The following PALS1 variants were observed in gnomAD, a reference collection of about 807,000 sequenced individuals.
The protein encoded by PALS1 is protein associated with LIN7 1, MAGUK p55 family member.
A neutral mutation model predicts 78.9 loss-of-function variants in PALS1; 31 were observed. The observed-to-expected ratio is 0.39, with a 90% CI of 0.30 to 0.53. PALS1 has a LOEUF of 0.53. Ranked by LOEUF, PALS1 falls within the 20% of genes least tolerant of loss-of-function variation. The pLI, the probability that PALS1 is intolerant of heterozygous loss-of-function variation, is 0.67. For missense variants in PALS1, 704 were observed against 826.5 expected, an observed-to-expected ratio of 0.85 and a Z score of 1.82; for synonymous variants, 276 against 270.9, an observed-to-expected ratio of 1.02 and a Z score of -0.18.
At chr14:67,324,707 T>TC (rs2085323769) in intron 14 of PALS1, among the ~76,000 whole-genome samples, 1 of 151,794 alleles carries the variant, frequency 6.6e-6, no homozygotes, top group Non-Finnish European at 1.5e-5. Flanking sequence ...CCCCAGCCTG[T>TC]CCAAGTGGCT....
chr14:67,307,790 A>G (rs971897168), intron 8 of PALS1, among the ~76,000 whole-genome samples: 2 of 152,232 alleles, frequency 1.3e-5, no homozygotes, highest in Non-Finnish European at 2.9e-5. Flanking sequence ...AATAAAAATT[A>G]CAAAGAAAAA....
At chr14:67,295,506 T>C (rs2140849108) in intron 4 of PALS1, among the ~76,000 whole-genome samples, 1 of 150,150 alleles carries the variant, frequency 6.7e-6, no homozygotes, top group Admixed American at 6.6e-5. Flanking sequence ...AAAAAAACTC[T>C]TGGAAATTAA....
chr14:67,302,448 T>C lies in PALS1; in HGVS notation c.840T>C (p.Ile280=), dbSNP rs1421071026. 6.3e-7 allele frequency: 1 copy of C among 1,599,174 alleles called. No homozygotes were observed. Among genetic ancestry groups the C allele is most frequent in the African/African-American group, 1.3e-5 (1 of 74,200 alleles). The change falls in exon 7 of 15, where the codon ATT becomes ATC. Residue 280 remains isoleucine, a synonymous_variant. Transcript: ENST00000261681. ...GTAATGAAATGGACTCTGTCATCAT[T>C]AGCCGGATAGTAAAAGGGGGTGCTG... ...TVRNEMDSVI[I]SRIVKGGAAE...
chr14:67,280,820 C>A (rs529672295), intron 3 of PALS1, among the ~76,000 whole-genome samples: 278 of 125,824 alleles, frequency 2.2e-3, no homozygotes, highest in Non-Finnish European at 3.5e-3. Flanking sequence ...TCCTTCCTTC[C>A]TTCCTTCCTT....
intron 1 of PALS1, among the ~76,000 whole-genome samples, chr14:67,243,767 A>G (rs986747216): frequency 6.6e-6 from 1 of 152,096 alleles, no homozygotes; most frequent in Non-Finnish European, 1.5e-5. Flanking sequence ...AAGTGCTGGG[A>G]TTACAGGCGT....
chr14:67,262,731 A>G (rs80127276), intron 1 of PALS1, among the ~76,000 whole-genome samples: 2,953 of 152,256 alleles, frequency 0.019, 40 homozygotes, highest in Middle Eastern at 0.034. Context: ...AGAAAATTCA[A>G]ACAATTTAGT....
intron 11 of PALS1, among the ~76,000 whole-genome samples, chr14:67,319,597 A>AT (rs775933358): frequency 8.2e-5 from 12 of 147,228 alleles, no homozygotes; most frequent in Admixed American, 2.7e-4. Context: ...AACACTAGAG[A>AT]TAGCTGATGA....
intron 8 of PALS1, among the ~76,000 whole-genome samples, chr14:67,311,383 T>G (rs149949186): frequency 6.6e-6 from 1 of 151,970 alleles, no homozygotes; most frequent in African/African-American, 2.4e-5. Flanking sequence ...CTTAGACTGT[T>G]TGTCTTTTGC....
chr14:67,241,838 G>A (rs10144218), intron 1 of PALS1: 22,526 of 151,970 alleles, frequency 0.15, 3,131 homozygotes, highest in East Asian at 0.42. Flanking sequence ...TGCAGGGGGC[G>A]CGGCGGGGAG....
At chr14:67,298,697 T>G (rs1263345742) in intron 4 of PALS1, among the ~76,000 whole-genome samples, 1 of 152,068 alleles carries the variant, frequency 6.6e-6, no homozygotes, top group Non-Finnish European at 1.5e-5. Context: ...TTAAAATGAG[T>G]GTGTTTTATT....
At position 67,302,537 on chromosome 14, in the gene PALS1, G is replaced by A. The variant is rs1388174621; in HGVS notation, c.929G>A (p.Arg310Gln). The A allele has an allele frequency of 1.9e-6, 3 of 1,577,020 alleles. No homozygotes were observed. Among genetic ancestry groups the A allele is most frequent in the East Asian group, 2.3e-5 (1 of 42,942 alleles). Reference sequence around the variant, plus strand: ...CTAGAGATTAATGGCATTGAAATTCGGGGGAAAGATGTCAATGAGGTTTTT... The same window carrying A: ...CTAGAGATTAATGGCATTGAAATTCAGGGGAAAGATGTCAATGAGGTTTTT... Reference protein sequence around the residue: ...EVLEINGIEIRGKDVNEVFDL... With the variant: ...EVLEINGIEIQGKDVNEVFDL... Residue 310 changes from arginine to glutamine, a missense_variant, in exon 7 of 15, where the codon CGG becomes CAG. Transcript: ENST00000261681.
At chr14:67,253,041 A>C (rs1366626006) in intron 1 of PALS1, among the ~76,000 whole-genome samples, 1 of 152,222 alleles carries the variant, frequency 6.6e-6, no homozygotes, top group Non-Finnish European at 1.5e-5. Context: ...CAGGCTTTAC[A>C]GTGCAGTTAC....
chr14:67,302,434 G>T lies in PALS1; in HGVS notation c.826G>T (p.Asp276Tyr), dbSNP rs770728541. Residue 276 changes from aspartate (D) to tyrosine (Y), a missense_variant, in exon 7 of 15, where the codon GAC (aspartate) becomes TAC (tyrosine). By Grantham distance (160) the Asp-to-Tyr change is radical. Coordinates refer to ENST00000261681, the MANE Select transcript of PALS1 (RefSeq NM_022474.4). ...PLGATVRNEMDSVIISRIVKG... is the reference protein window; with the variant it reads ...PLGATVRNEMYSVIISRIVKG... ...GGGTGCTACAGTTCGTAATGAAATG[G>T]ACTCTGTCATCATTAGCCGGATAGT... 1 of 1,595,006 alleles carries T rather than the reference G, an allele frequency of 6.3e-7. No individual in the cohort carries two copies. Among genetic ancestry groups the T allele is most frequent in the Admixed American group, 1.7e-5 (1 of 57,692 alleles).
chr14:67,321,515 A>G (rs1254666650), intron 13 of PALS1, among the ~76,000 whole-genome samples: 2 of 152,178 alleles, frequency 1.3e-5, no homozygotes, highest in Admixed American at 6.5e-5. Context: ...AGTGTTTTGA[A>G]TTTCAGAATT....
intron 9 of PALS1, among the ~76,000 whole-genome samples, chr14:67,316,068 C>G (rs1271725296): frequency 6.6e-6 from 1 of 152,156 alleles, no homozygotes; most frequent in Non-Finnish European, 1.5e-5. Flanking sequence ...TTAAGAATCT[C>G]TGGCTTTACA....
chr14:67,328,324 GGATT>G (rs1339428967), intron 14 of PALS1, among the ~76,000 whole-genome samples: 1 of 152,056 alleles, frequency 6.6e-6, no homozygotes, highest in African/African-American at 2.4e-5. Context: ...CTTTTTGATG[GGATT>G]GTTTGATTTT....
intron 1 of PALS1, among the ~76,000 whole-genome samples, chr14:67,246,276 G>A (rs971108946): frequency 2.6e-5 from 4 of 151,734 alleles, no homozygotes; most frequent in African/African-American, 9.7e-5. Flanking sequence ...CCACAGGCGT[G>A]CCACCGCACT....
At chr14:67,307,983 G>T (rs1294641006) in intron 8 of PALS1, among the ~76,000 whole-genome samples, 1 of 152,050 alleles carries the variant, frequency 6.6e-6, no homozygotes, top group Admixed American at 6.6e-5. Context: ...CACAGGAACA[G>T]AAAACCAAAA....
chr14:67,288,774 T>G (rs781655246), intron 3 of PALS1, among the ~76,000 whole-genome samples: 1 of 152,076 alleles, frequency 6.6e-6, no homozygotes, highest in Non-Finnish European at 1.5e-5. Context: ...TAATATTAGC[T>G]TATGGTTAGA....
Sources: gnomAD v4.1 joint callset for allele counts (sites outside exome capture counted in the v4.1 genomes callset) on GRCh38, gnomAD v4.1.1 for gene constraint, MANE v1.5 for transcripts, NCBI Gene and HGNC (gene_info 2026-07-23, HGNC 2026-07-21) for gene names.